LUZP2: variants seen among roughly 807,000 people sequenced by gnomAD.
The protein encoded by LUZP2 is leucine zipper protein 2.
In LUZP2, 52 loss-of-function variants were observed where a neutral mutation model predicts 51.6. That is an observed-to-expected ratio of 1.01 (90% CI 0.81 to 1.27). LUZP2 has a LOEUF of 1.27. LUZP2 is among the 50% of genes most tolerant of loss of function. The probability of loss-of-function intolerance (pLI) is 0.00; values close to 1 mark genes in which losing one functional copy is unlikely to be tolerated. For synonymous variants in LUZP2, 154 were observed against 137.3 expected (o/e 1.12, Z -0.85); for missense variants, 436 against 395.4 (o/e 1.10, Z -0.87).
At chr11:24,978,754 A>G (rs948818527) in intron 8 of LUZP2, among the ~76,000 whole-genome samples, 1 of 151,796 alleles carries the variant, frequency 6.6e-6, no homozygotes, top group Non-Finnish European at 1.5e-5. Context: ...TGTATTTTCT[A>G]AGTACCTGTG....
intron 9 of LUZP2, among the ~76,000 whole-genome samples, chr11:24,984,194 C>T (rs1035606298): frequency 6.6e-6 from 1 of 151,396 alleles, no homozygotes; most frequent in Non-Finnish European, 1.5e-5. Flanking sequence ...GGGTTGAGTG[C>T]AGAAAAACTT....
intron 1 of LUZP2, among the ~76,000 whole-genome samples, chr11:24,675,788 T>A (rs200860005): frequency 5.8e-5 from 6 of 103,180 alleles, no homozygotes; most frequent in Non-Finnish European, 3.9e-5. Context: ...TTCTTTTTTT[T>A]ATATTTATTT....
intron 1 of LUZP2, among the ~76,000 whole-genome samples, chr11:24,623,143 A>G (rs534983041): frequency 2.0e-4 from 31 of 152,146 alleles, no homozygotes; most frequent in African/African-American, 7.5e-4. Flanking sequence ...AGAAGCAGGC[A>G]TTTACTGAAC....
At chr11:24,526,471 T>TA (rs1171572602) in intron 1 of LUZP2, among the ~76,000 whole-genome samples, 2 of 131,510 alleles carry the variant, frequency 1.5e-5, no homozygotes, top group Non-Finnish European at 3.4e-5. Context: ...TTTTTTTTTT[T>TA]ATAATGCAGT....
chr11:24,798,093 C>G (rs533704681), intron 5 of LUZP2, among the ~76,000 whole-genome samples: 6 of 152,120 alleles, frequency 3.9e-5, no homozygotes, highest in Non-Finnish European at 5.9e-5. Context: ...CTCTGATGCT[C>G]TGTAAAATAC....
intron 9 of LUZP2, among the ~76,000 whole-genome samples, chr11:25,041,919 C>A (rs75723427): frequency 1.3e-5 from 2 of 152,084 alleles, no homozygotes; most frequent in African/African-American, 2.4e-5. Context: ...TTGTGAACTG[C>A]GTGTGCGAGG....
At chr11:24,568,052 A>C (rs558985844) in intron 1 of LUZP2, among the ~76,000 whole-genome samples, 1 of 152,224 alleles carries the variant, frequency 6.6e-6, no homozygotes, top group Non-Finnish European at 1.5e-5. Flanking sequence ...AAAGTCAACT[A>C]TATGCTGTCT....
intron 1 of LUZP2, among the ~76,000 whole-genome samples, chr11:24,566,613 T>G (rs1159720350): frequency 4.6e-4 from 46 of 100,678 alleles, no homozygotes; most frequent in African/African-American, 2.1e-3. Context: ...TATGTATGTA[T>G]GTATAGATAT....
At chr11:24,898,914 C>T (rs1853178713) in intron 5 of LUZP2, among the ~76,000 whole-genome samples, 1 of 151,592 alleles carries the variant, frequency 6.6e-6, no homozygotes, top group African/African-American at 2.4e-5. Flanking sequence ...AGTTAAGAGA[C>T]ATCACATCAT....
At chr11:24,836,425 T>C (rs1564964890) in intron 5 of LUZP2, among the ~76,000 whole-genome samples, 2 of 151,868 alleles carry the variant, frequency 1.3e-5, no homozygotes, top group Non-Finnish European at 2.9e-5. Context: ...GAAATTAAAA[T>C]ATATCAAATT....
chr11:24,522,237 T>G (rs1185576994), intron 1 of LUZP2, among the ~76,000 whole-genome samples: 1 of 152,196 alleles, frequency 6.6e-6, no homozygotes, highest in African/African-American at 2.4e-5. Context: ...TAGCACCTTG[T>G]GTCAGAAGAC....
At chr11:24,930,879 T>C (rs538911422) in intron 7 of LUZP2, among the ~76,000 whole-genome samples, 92 of 152,322 alleles carry the variant, frequency 6.0e-4, no homozygotes, top group Admixed American at 1.6e-3. Context: ...GGTTTGGTCA[T>C]TTAATGTAAT....
chr11:24,948,410 T>A (rs1490233871), intron 7 of LUZP2, among the ~76,000 whole-genome samples: 4 of 151,752 alleles, frequency 2.6e-5, no homozygotes, highest in Non-Finnish European at 4.4e-5. Flanking sequence ...TTATTTGCAA[T>A]ATCCACCATG....
intron 1 of LUZP2, among the ~76,000 whole-genome samples, chr11:24,508,013 G>C (rs1311494875): frequency 6.6e-6 from 1 of 151,228 alleles, no homozygotes; most frequent in Admixed American, 6.6e-5. Flanking sequence ...TAAATGAATA[G>C]TACTTAGCAA....
At chr11:24,690,476 C>T (rs1857031275) in intron 1 of LUZP2, among the ~76,000 whole-genome samples, 1 of 152,138 alleles carries the variant, frequency 6.6e-6, no homozygotes, top group African/African-American at 2.4e-5. Context: ...AGTATCCTAT[C>T]AATGTGTTCA....
At chr11:24,751,853 A>G (rs1002963034) in intron 4 of LUZP2, among the ~76,000 whole-genome samples, 16 of 152,166 alleles carry the variant, frequency 1.1e-4, no homozygotes, top group African/African-American at 3.9e-4. Context: ...TTAGTTAAGC[A>G]TGTTAAATAT....
intron 9 of LUZP2, among the ~76,000 whole-genome samples, chr11:25,005,968 G>A (rs1856823733): frequency 6.6e-6 from 1 of 152,130 alleles, no homozygotes; most frequent in Non-Finnish European, 1.5e-5. Context: ...AACCCTGAGT[G>A]AGGGGAGGGA....
chr11:25,032,018 CA>C (rs751898540), intron 9 of LUZP2, among the ~76,000 whole-genome samples: 17 of 151,942 alleles, frequency 1.1e-4, no homozygotes, highest in Non-Finnish European at 1.8e-4. Context: ...ACAGGGAGGG[CA>C]AAAGGAGGGC....
At chr11:24,928,127 A>C (rs1428064797) in intron 7 of LUZP2, among the ~76,000 whole-genome samples, 1 of 152,122 alleles carries the variant, frequency 6.6e-6, no homozygotes, top group Non-Finnish European at 1.5e-5. Context: ...TATCAGTTCT[A>C]GGAGCTTTTT....
Sources: gnomAD v4.1 joint callset for allele counts (sites outside exome capture counted in the v4.1 genomes callset) on GRCh38, gnomAD v4.1.1 for gene constraint, MANE v1.5 for transcripts, NCBI Gene and HGNC (gene_info 2026-07-23, HGNC 2026-07-21) for gene names.